The following CAMTA1 variants were observed in gnomAD, a reference collection of about 807,000 sequenced individuals.
CAMTA1 encodes calmodulin-binding transcription activator 1.
Under a neutral mutation model 170.9 loss-of-function variants are expected in CAMTA1, and 27 were observed. That is an observed-to-expected ratio of 0.16 (90% CI 0.12 to 0.22). CAMTA1 has a LOEUF of 0.22. CAMTA1 is among the 10% of genes least tolerant of loss of function. The pLI is 1.00. For synonymous variants in CAMTA1, 833 were observed against 891.5 expected (o/e 0.93, Z 1.17); for missense variants, 1,619 against 2,217.2 (o/e 0.73, Z 5.42).
At chr1:7,510,011 A>ATCCTGCACATGCTTATGGG (rs1557842840) in intron 6 of CAMTA1, among the ~76,000 whole-genome samples, 3 of 134,462 alleles carry the variant, frequency 2.2e-5, no homozygotes, top group Admixed American at 7.2e-5. Context: ...ACAAACAAAC[A>ATCCTGCACATGCTTATGGG]ACAAAAAAAA....
chr1:7,765,449 A>G (rs1027613042), intron 22 of CAMTA1, among the ~76,000 whole-genome samples: 2 of 152,196 alleles, frequency 1.3e-5, no homozygotes, highest in Admixed American at 1.3e-4. Context: ...GTCTATAACA[A>G]TGTTATTTAA....
chr1:7,139,267 TAATATA>T (rs949148538), intron 4 of CAMTA1, among the ~76,000 whole-genome samples: 5 of 144,140 alleles, frequency 3.5e-5, no homozygotes, highest in African/African-American at 5.0e-5. Flanking sequence ...ATTATATTCA[TAATATA>T]AATATATTTA....
Position 7,291,570 on chromosome 1 carries a change from C to G in CAMTA1, c.438+41944C>G, listed in dbSNP as rs144425824. Among the ~76,000 whole-genome samples, 675 of 152,374 alleles carry G rather than the reference C, an allele frequency of 4.4e-3. 8 individuals are homozygous for G. Among genetic ancestry groups the G allele is most frequent in the Admixed American group, 0.024 (368 of 15,314 alleles). ...TTCTGGGCCCTAGCGATGAATTAAG[C>G]GCTGCTGGGAGATCCCCTCTGGGTG... is the stretch of plus-strand genomic sequence containing the variant. On this transcript the variant is annotated intron_variant, in intron 5 of 22. Transcript: ENST00000303635.
chr1:7,152,563 G>C (rs1646637107), intron 4 of CAMTA1, among the ~76,000 whole-genome samples: 1 of 152,252 alleles, frequency 6.6e-6, no homozygotes, highest in South Asian at 2.1e-4. Context: ...AAACAGGGAG[G>C]TTGCCAAGGG....
chr1:7,490,048 C>T (rs960668027), intron 6 of CAMTA1, among the ~76,000 whole-genome samples: 3 of 152,188 alleles, frequency 2.0e-5, no homozygotes, highest in African/African-American at 4.8e-5. Context: ...AGGTGAAGCC[C>T]TCCGCGGCAG....
At chr1:7,103,818 A>C (rs1643157071) in intron 4 of CAMTA1, among the ~76,000 whole-genome samples, 1 of 114,502 alleles carries the variant, frequency 8.7e-6, no homozygotes, top group African/African-American at 4.5e-5. Flanking sequence ...ATACAACTAC[A>C]CACATGCACA....
At chr1:7,087,347 A>T (rs1203087179) in intron 3 of CAMTA1, among the ~76,000 whole-genome samples, 2 of 152,190 alleles carry the variant, frequency 1.3e-5, no homozygotes, top group African/African-American at 2.4e-5. Flanking sequence ...CGAGGATCTT[A>T]TGAGTTGAAC....
chr1:7,337,199 A>G (rs1246434126), intron 5 of CAMTA1, among the ~76,000 whole-genome samples: 1 of 152,096 alleles, frequency 6.6e-6, no homozygotes, highest in Non-Finnish European at 1.5e-5. Context: ...ATCAATACCT[A>G]TCACCTTGTG....
At chr1:7,061,717 G>A (rs1342347271) in intron 3 of CAMTA1, among the ~76,000 whole-genome samples, 3 of 148,724 alleles carry the variant, frequency 2.0e-5, no homozygotes, top group Non-Finnish European at 4.5e-5. Context: ...AGAGGAGGGG[G>A]TGGGGTGGCG....
chr1:6,846,232 A>G (rs1483439223), intron 3 of CAMTA1, among the ~76,000 whole-genome samples: 1 of 152,224 alleles, frequency 6.6e-6, no homozygotes, highest in Non-Finnish European at 1.5e-5. Flanking sequence ...TTGAACTAGG[A>G]TTTCTTTACT....
chr1:7,187,141 G>A (rs747938015), intron 4 of CAMTA1, among the ~76,000 whole-genome samples: 8 of 152,234 alleles, frequency 5.3e-5, no homozygotes, highest in South Asian at 4.1e-4. Context: ...AGGGCAGGGT[G>A]GGTGCGGGGG....
chr1:7,765,300 C>G (rs891234844), intron 22 of CAMTA1, among the ~76,000 whole-genome samples: 3 of 152,178 alleles, frequency 2.0e-5, no homozygotes, highest in East Asian at 3.8e-4. Flanking sequence ...ACTCTTACAG[C>G]AGACAGCAGC....
At chr1:6,995,016 A>G (rs1211576656) in intron 3 of CAMTA1, among the ~76,000 whole-genome samples, 3 of 152,042 alleles carry the variant, frequency 2.0e-5, no homozygotes, top group Admixed American at 6.6e-5. Flanking sequence ...AATTTGGGAA[A>G]ATTTTGGCCA....
intron 6 of CAMTA1, among the ~76,000 whole-genome samples, chr1:7,516,915 AT>A (rs1428962309): frequency 1.3e-5 from 2 of 152,222 alleles, no homozygotes; most frequent in Non-Finnish European, 2.9e-5. Flanking sequence ...TATGAAAATA[AT>A]CCATGCCCAT....
rs550414529 is a variant in CAMTA1, at chr1:7,581,335, C to G, written c.511-59065C>G. ...TGCTAAGCAACAGTGTCCGTTCTCT[C>G]ACATGGAGAAAATTGAAACATTGAT... On this transcript the variant is annotated intron_variant, in intron 6 of 22. Transcript: ENST00000303635. Among the ~76,000 whole-genome samples, 4 of 152,356 alleles carry G rather than the reference C, an allele frequency of 2.6e-5. No individual in the cohort carries two copies. The East Asian group carries it at 7.7e-4, about 29-fold the overall frequency.
intron 16 of CAMTA1, among the ~76,000 whole-genome samples, chr1:7,743,256 C>T (rs2096831374): frequency 6.6e-6 from 1 of 151,878 alleles, no homozygotes; most frequent in South Asian, 2.1e-4. Flanking sequence ...TTTTTAACAG[C>T]TTTATTGAGG....
At chr1:6,980,358 G>A (rs1694229738) in intron 3 of CAMTA1, among the ~76,000 whole-genome samples, 1 of 152,188 alleles carries the variant, frequency 6.6e-6, no homozygotes, top group South Asian at 2.1e-4. Context: ...TAGGTGGGCT[G>A]GAGGGGTGGG....
chr1:7,370,910 C>CTTTCTTT, intron 5 of CAMTA1, among the ~76,000 whole-genome samples: 1 of 31,076 alleles, frequency 3.2e-5, no homozygotes, highest in Admixed American at 4.6e-4. Flanking sequence ...CTTTTTCTTT[C>CTTTCTTT]TTTCTTTTTT....
intron 3 of CAMTA1, among the ~76,000 whole-genome samples, chr1:6,883,983 T>C (rs181568929): frequency 1.4e-4 from 21 of 152,324 alleles, no homozygotes; most frequent in Non-Finnish European, 2.9e-4. Flanking sequence ...ATATATCTTA[T>C]ATTTCCATTA....
Sources: allele counts gnomAD v4.1 joint callset (sites outside exome capture counted in the v4.1 genomes callset), GRCh38; gene constraint gnomAD v4.1.1; transcripts MANE v1.5; gene names NCBI Gene and HGNC (gene_info 2026-07-23, HGNC 2026-07-21).